Variants in PRELID1 observed in about 807,000 individuals in gnomAD.
PRELID1 encodes the protein PRELI domain-containing protein 1, mitochondrial.
In PRELID1, 15 loss-of-function variants were observed where a neutral mutation model predicts 29.0. That is an observed-to-expected ratio of 0.52 (90% CI 0.35 to 0.80). The LOEUF (loss-of-function observed/expected upper bound fraction) is 0.80. PRELID1 is among the 30% of genes least tolerant of loss of function. PRELID1 has a pLI of 0.01. For missense variants in PRELID1, 187 were observed against 275.9 expected (o/e 0.68, Z 2.28); for synonymous variants, 79 against 106.5 (o/e 0.74, Z 1.59).
intron 2 of PRELID1, 30 bp from the exon 3 acceptor site, chr5:177,305,841 G>A (rs373456901): frequency 2.5e-6 from 4 of 1,587,514 alleles, no homozygotes; most frequent in South Asian, 1.1e-5. Flanking sequence ...ATGAAAGACT[G>A]TTCCACGATT....
rs1760813482 is a variant in PRELID1 at position 177,304,813 on chromosome 5, C to T, written c.281C>T (p.Thr94Ile). The T allele has an allele frequency of 6.2e-7, 1 of 1,613,774 alleles. No homozygotes were observed. Among genetic ancestry groups the T allele is most frequent in the Admixed American group, 1.7e-5 (1 of 59,996 alleles). Reference sequence around the variant, plus strand: ...GTGGACCCACAGAATCAGACCATGACTACCTTCACCTGGAACATCAACCAC... The same window carrying T: ...GTGGACCCACAGAATCAGACCATGATTACCTTCACCTGGAACATCAACCAC... ...SIVDPQNQTM[T>I]TFTWNINHAR... Residue 94 changes from threonine to isoleucine, a missense_variant, in exon 2 of 5, where the codon ACT becomes ATT. By Grantham distance (89) the Thr-to-Ile change is moderately conservative (BLOSUM62 -1). Coordinates refer to ENST00000303204, the MANE Select transcript of PRELID1 (RefSeq NM_013237.4).
chr5:177,306,056 A>G (rs1760864793), intron 3 of PRELID1, 42 bp from the exon 4 acceptor site: 1 of 1,600,954 alleles, frequency 6.2e-7, no homozygotes. Flanking sequence ...GGCTGGGGTC[A>G]GTGGGCAACT....
In PRELID1 at chr5:177,306,829, G is replaced by T; in HGVS notation, c.*259G>T. The T allele has an allele frequency of 1.3e-6, 1 of 746,160 alleles. No homozygotes were observed. The highest frequency in any genetic ancestry group is 1.9e-5 in the South Asian group (1 of 52,376). The allele number at this position is 746,160 out of a possible 1,614,324, so 46.2% of individuals were successfully genotyped here. ...TGCCCGGGGCTCCAGGTAGCCTGCA[G>T]GTTAACTGGCGGTAAGTGCTAGACT... is the stretch of plus-strand genomic sequence containing the variant. On this transcript the variant is annotated 3_prime_UTR_variant, in exon 5 of 5. Transcript: ENST00000303204.
In PRELID1 at chr5:177,304,823, C is replaced by G. The variant is rs1760813718; in HGVS notation, c.291C>G (p.Thr97=). The G allele has an allele frequency of 6.2e-7, 1 of 1,613,448 alleles. No homozygotes were observed. Reference sequence around the variant, plus strand: ...AGAATCAGACCATGACTACCTTCACCTGGAACATCAACCACGCCCGGCTGA... The same window carrying G: ...AGAATCAGACCATGACTACCTTCACGTGGAACATCAACCACGCCCGGCTGA... ...DPQNQTMTTF[T]WNINHARLMV... is the part of the protein sequence containing the mutation. Residue 97 remains threonine (T), a synonymous_variant, in exon 2 of 5, where the codon ACC becomes ACG. Transcript: ENST00000303204.
Position 177,306,533 on chromosome 5 carries a change from C to T in PRELID1, c.623C>T (p.Ala208Val), listed in dbSNP as rs1349773461. 1 of 1,612,218 alleles carries T rather than the reference C, an allele frequency of 6.2e-7. No homozygotes were observed. The highest frequency in any genetic ancestry group is 8.5e-7 in the Non-Finnish European group (1 of 1,179,230). The change falls in exon 5 of 5, where the codon GCC (alanine) becomes GTC (valine). Residue 208 changes from alanine to valine, a missense_variant. Ala to Val is a moderately conservative substitution (Grantham distance 64, BLOSUM62 0). Coordinates refer to ENST00000303204, the MANE Select transcript of PRELID1 (RefSeq NM_013237.4). ...EKAKDLASKA[A>V]TKKQQQQQQF... The stretch of plus-strand genomic sequence containing the variant: ...GCCAAGGACCTCGCCAGCAAGGCGG[C>T]CACCAAGAAGCAGCAGCAGCAGCAA...
chr5:177,306,012 G>T, intron 3 of PRELID1, 28 bp downstream of exon 3: 1 of 1,605,796 alleles, frequency 6.2e-7, no homozygotes, highest in Non-Finnish European at 8.5e-7. Flanking sequence ...GGCTGCTGGG[G>T]CTCTGGGACC....
chr5:177,304,009 G>A lies in PRELID1; in HGVS notation c.24G>A (p.Gln8=). The A allele has an allele frequency of 6.2e-7, 1 of 1,611,776 alleles. No homozygotes were observed. The highest frequency in any genetic ancestry group is 8.5e-7 in the Non-Finnish European group (1 of 1,179,958). ...CGATGGTGAAGTATTTCCTGGGCCA[G>A]AGCGTGCTCCGGAGTTCCTGGGACC... MVKYFLG[Q]SVLRSSWDQV... The change falls in exon 1 of 5, where the codon CAG becomes CAA. Residue 8 remains glutamine (Q), a synonymous_variant. Transcript: ENST00000303204.
In PRELID1 at chr5:177,306,356, G is replaced by C. The variant is rs759045617; in HGVS notation, c.512-66G>C. The C allele has an allele frequency of 4.4e-6, 7 of 1,608,560 alleles. No homozygotes were observed. The Admixed American group carries it at 6.8e-5, about 16-fold the overall frequency. ...CTGGCCCAGAGGAGATTGGTGTCAT[G>C]GGGGAGGGAAATTAGGTTGGTCTTT... On this transcript the variant is annotated intron_variant, in intron 4 of 4. Coordinates refer to ENST00000303204, the MANE Select transcript of PRELID1 (RefSeq NM_013237.4).
In PRELID1 at chr5:177,304,021, G is replaced by C. The variant is rs141607057; in HGVS notation, c.36G>C (p.Arg12=). 1 of 1,611,874 alleles carries C rather than the reference G, an allele frequency of 6.2e-7. No individual in the cohort carries two copies. The highest frequency in any genetic ancestry group is 1.3e-5 in the African/African-American group (1 of 74,940). The change falls in exon 1 of 5, where the codon CGG becomes CGC. Residue 12 remains arginine (R), a synonymous_variant. Transcript: ENST00000303204. ...ATTTCCTGGGCCAGAGCGTGCTCCG[G>C]AGTTCCTGGGACCAAGTGTTCGCCG... ...VKYFLGQSVL[R]SSWDQVFAAF...
At chr5:177,304,935 G>A (rs1760818779) in intron 2 of PRELID1, 85 bp downstream of exon 2, 5 of 1,330,540 alleles carry the variant, frequency 3.8e-6, no homozygotes, top group Non-Finnish European at 5.2e-6. Context: ...TGTGGCTAGA[G>A]AGCCATAAGG....
rs531090540 is a variant in PRELID1, at chr5:177,306,830, G to GT, written c.*262dup. ...GCCCGGGGCTCCAGGTAGCCTGCAG[G>GT]TTAACTGGCGGTAAGTGCTAGACTG... On this transcript the variant is annotated 3_prime_UTR_variant, in exon 5 of 5. Coordinates refer to ENST00000303204, the MANE Select transcript of PRELID1 (RefSeq NM_013237.4). 105 of 741,448 alleles carry GT rather than the reference G, an allele frequency of 1.4e-4. 1 individual carries two copies. In the South Asian group the frequency reaches 1.8e-3, roughly 13 times the overall value. The allele number at this position is 741,448 out of a possible 1,614,324, so 45.9% of individuals were successfully genotyped here. A position where few individuals can be genotyped will look rare whatever the true frequency, so the allele number is the denominator to read the frequency against.
chr5:177,306,394 A>C, intron 4 of PRELID1, 28 bp from the exon 5 acceptor site: 1 of 1,613,674 alleles, frequency 6.2e-7, no homozygotes, highest in Non-Finnish European at 8.5e-7. Flanking sequence ...GGCATCTTCT[A>C]AAGGCAGCCA....
chr5:177,306,829 G>A lies in PRELID1; in HGVS notation c.*259G>A. The stretch of plus-strand genomic sequence containing the variant: ...TGCCCGGGGCTCCAGGTAGCCTGCA[G>A]GTTAACTGGCGGTAAGTGCTAGACT... On this transcript the variant is annotated 3_prime_UTR_variant, in exon 5 of 5. Coordinates refer to ENST00000303204, the MANE Select transcript of PRELID1 (RefSeq NM_013237.4). 1 of 746,160 alleles carries A rather than the reference G, an allele frequency of 1.3e-6. No homozygotes were observed. Among genetic ancestry groups the A allele is most frequent in the South Asian group, 1.9e-5 (1 of 52,376 alleles). The allele number at this position is 746,160 out of a possible 1,614,324, so 46.2% of individuals were successfully genotyped here. A position where few individuals can be genotyped will look rare whatever the true frequency, so the allele number is the denominator to read the frequency against.
Position 177,306,504 on chromosome 5 carries a change from G to A in PRELID1, c.594G>A (p.Glu198=). 5.0e-6 allele frequency: 8 copies of A among 1,613,572 alleles called. No individual in the cohort carries two copies. Among genetic ancestry groups the A allele is most frequent in the Non-Finnish European group, 6.8e-6 (8 of 1,179,772 alleles). ...AGGAGACGGCACTGGCAGCTACAGA[G>A]AAGGCCAAGGACCTCGCCAGCAAGG... ...KAKETALAAT[E]KAKDLASKAA... Residue 198 remains glutamate (E), a synonymous_variant, in exon 5 of 5, where the codon GAG becomes GAA. Transcript: ENST00000303204.
rs1403038628 is a variant in PRELID1, at chr5:177,303,852, C to G, written c.-134C>G. The stretch of plus-strand genomic sequence containing the variant: ...GGCGGCGGCGGCAGCTGCTTGGGCG[C>G]GGTGCGGTGGTGACTGAGCTACGAG... On this transcript the variant is annotated 5_prime_UTR_variant, in exon 1 of 5. Coordinates refer to ENST00000303204, the MANE Select transcript of PRELID1 (RefSeq NM_013237.4). The surrounding 1 kb of genome is among the most constrained non-coding windows in gnomAD (Gnocchi z 6.1). 1.2e-5 allele frequency: 7 copies of G among 582,932 alleles called. No homozygotes were observed. The East Asian group carries it at 2.2e-4, about 18-fold the overall frequency. The allele number at this position is 582,932 out of a possible 1,614,324, so 36.1% of individuals were successfully genotyped here. A position where few individuals can be genotyped will look rare whatever the true frequency, so the allele number is the denominator to read the frequency against.
rs1445260441 is a variant in PRELID1, at chr5:177,306,678, A to G, written c.*108A>G. ...CAACTTCCAGCCCTGTCTGCTGTCT[A>G]CGTGGTGGGTTGTGGGGATGCAGTT... On this transcript the variant is annotated 3_prime_UTR_variant, in exon 5 of 5. Coordinates refer to ENST00000303204, the MANE Select transcript of PRELID1 (RefSeq NM_013237.4). The G allele has an allele frequency of 1.6e-5, 24 of 1,461,600 alleles. No individual in the cohort carries two copies. Among genetic ancestry groups the G allele is most frequent in the African/African-American group, 4.2e-5 (3 of 70,624 alleles). The allele number at this position is 1,461,600 out of a possible 1,614,324, so 90.5% of individuals were successfully genotyped here. A position where few individuals can be genotyped will look rare whatever the true frequency, so the allele number is the denominator to read the frequency against.
At chr5:177,304,924 A>G in intron 2 of PRELID1, 74 bp downstream of exon 2, 2 of 1,372,978 alleles carry the variant, frequency 1.5e-6, no homozygotes, top group Admixed American at 2.0e-5. Context: ...CCTCAGATAC[A>G]TGTGGCTAGA....
Position 177,304,667 on chromosome 5 carries a change from C to A in PRELID1, c.135C>A (p.Thr45=), listed in dbSNP as rs1284558973. The change falls in exon 2 of 5, where the codon ACC becomes ACA. Residue 45 remains threonine, a synonymous_variant. Transcript: ENST00000303204. ...AAGACATAGTACACCGGGAGGTGAC[C>A]CCTGACCAGAAACTGCTGTCCCGGC... ...LTEDIVHREV[T]PDQKLLSRRL... 3.1e-6 allele frequency: 5 copies of A among 1,613,868 alleles called. No individual in the cohort carries two copies. The highest frequency in any genetic ancestry group is 4.2e-6 in the Non-Finnish European group (5 of 1,179,942).
chr5:177,306,257 G>T, intron 4 of PRELID1, 81 bp downstream of exon 4: 1 of 1,564,812 alleles, frequency 6.4e-7, no homozygotes, highest in Non-Finnish European at 8.8e-7. Context: ...GTTAGTCATT[G>T]CCCTGCTCTG....
Sources: allele counts gnomAD v4.1 joint callset, GRCh38; gene constraint gnomAD v4.1.1; non-coding constraint Gnocchi (gnomAD v3.1); transcripts MANE v1.5; gene names NCBI Gene and HGNC (gene_info 2026-07-23, HGNC 2026-07-21).